Variants in GOLGA4 observed in about 807,000 individuals in gnomAD.
GOLGA4 encodes the protein golgin A4.
In GOLGA4, 169 loss-of-function variants were observed where a neutral mutation model predicts 265.9. The observed-to-expected ratio is 0.64, with a 90% confidence interval of 0.56 to 0.72. The LOEUF (loss-of-function observed/expected upper bound fraction) is 0.72. Ranked by LOEUF, GOLGA4 falls within the 30% of genes least tolerant of loss-of-function variation. The probability of loss-of-function intolerance (pLI) is 0.00; values close to 1 mark genes in which losing one functional copy is unlikely to be tolerated. For synonymous variants in GOLGA4, 923 were observed against 855.8 expected, an observed-to-expected ratio of 1.08 and a Z score of -1.37; for missense variants, 2,482 against 2,483.4, an observed-to-expected ratio of 1.00 and a Z score of 0.01.
chr3:37,304,999 A>G (rs1333735329), intron 10 of GOLGA4, among the ~76,000 whole-genome samples: 1 of 152,106 alleles, frequency 6.6e-6, no homozygotes, highest in Non-Finnish European at 1.5e-5. Flanking sequence ...GCTCACTGCA[A>G]CCTCCGCCTC....
chr3:37,288,371 A>T (rs1351939017), intron 4 of GOLGA4, among the ~76,000 whole-genome samples: 1 of 150,970 alleles, frequency 6.6e-6, no homozygotes, highest in Non-Finnish European at 1.5e-5. Flanking sequence ...GGCCTCCCAA[A>T]GTGCTGGGAT....
rs1425250954 is a variant in GOLGA4 at position 37,261,871 on chromosome 3, A to G, written c.162+10387A>G. Reference sequence around the variant, plus strand: ...AGTTTGTGATAACCCCTATATTGCCATAAGGTAAGAAACCTGAACCAAGGC... The same window carrying G: ...AGTTTGTGATAACCCCTATATTGCCGTAAGGTAAGAAACCTGAACCAAGGC... On this transcript the variant is annotated intron_variant, in intron 2 of 23. Transcript: ENST00000361924. 1.1e-4 allele frequency among the ~76,000 whole-genome samples: 16 copies of G among 152,194 alleles called. 1 individual carries two copies. The highest frequency in any genetic ancestry group is 1.0e-3 in the Admixed American group (16 of 15,282).
At chr3:37,349,416 GATTTTGAT>G (rs2097066739) in intron 21 of GOLGA4, among the ~76,000 whole-genome samples, 1 of 152,134 alleles carries the variant, frequency 6.6e-6, no homozygotes. Context: ...GGAGATGTTA[GATTTTGAT>G]AGATAAGCCC....
intron 22 of GOLGA4, 58 bp from the exon 23 acceptor site, chr3:37,361,185 G>GT: frequency 8.2e-7 from 1 of 1,213,780 alleles, no homozygotes; most frequent in Non-Finnish European, 1.2e-6. Flanking sequence ...TACAATCTAT[G>GT]TGTTATATTA....
chr3:37,252,553 T>A (rs2096736962), intron 2 of GOLGA4, among the ~76,000 whole-genome samples: 1 of 152,040 alleles, frequency 6.6e-6, no homozygotes, highest in African/African-American at 2.4e-5. Flanking sequence ...TTTTCCAGAG[T>A]GGTTGTAGAA....
At position 37,361,290 on chromosome 3, in the gene GOLGA4, G is replaced by A. The variant is rs1470483197; in HGVS notation, c.*18G>A. The A allele has an allele frequency of 1.9e-6, 3 of 1,611,636 alleles. No individual in the cohort carries two copies. The highest frequency in any genetic ancestry group is 2.5e-6 in the Non-Finnish European group (3 of 1,178,044). On this transcript the variant is annotated 3_prime_UTR_variant, in exon 23 of 24. Coordinates refer to ENST00000361924, the MANE Select transcript of GOLGA4 (RefSeq NM_002078.5). The stretch of plus-strand genomic sequence containing the variant: ...TCTTCTGAGTAAACCATCAGTCTGT[G>A]CTTAGTTAACATGTGGTGAGTGAAG...
At chr3:37,257,978 T>C (rs1375561266) in intron 2 of GOLGA4, among the ~76,000 whole-genome samples, 3 of 105,190 alleles carry the variant, frequency 2.9e-5, no homozygotes, top group South Asian at 2.5e-4. Flanking sequence ...TACATACATA[T>C]ATATATGTAT....
rs2150973915 is a variant in GOLGA4 at position 37,327,591 on chromosome 3, A to G, written c.5705A>G (p.Glu1902Gly). 2 of 1,613,754 alleles carry G rather than the reference A, an allele frequency of 1.2e-6. No individual in the cohort carries two copies. Among genetic ancestry groups the G allele is most frequent in the Middle Eastern group, 1.6e-4 (1 of 6,062 alleles). Residue 1902 changes from glutamate (E) to glycine (G), a missense_variant, in exon 14 of 24, where the codon GAA (glutamate) becomes GGA (glycine). By Grantham distance (98) the Glu-to-Gly change is moderately conservative. This residue lies in a region of GOLGA4 where 942 missense variants were observed against 983.1 expected (regional missense o/e 0.96). Transcript: ENST00000361924. ...AATAAACCCACAGAACTTTTGGAAG[A>G]AAACACTGAAGAAAAGTCCAAATCA... ...GRNKPTELLE[E>G]NTEEKSKSHL...
intron 10 of GOLGA4, among the ~76,000 whole-genome samples, chr3:37,308,747 C>G (rs1049485552): frequency 6.6e-6 from 1 of 151,850 alleles, no homozygotes; most frequent in East Asian, 2.0e-4. Context: ...TGCCAAGTAG[C>G]TGGGACTACA....
At chr3:37,358,314 A>T (rs1050044315) in intron 22 of GOLGA4, among the ~76,000 whole-genome samples, 10 of 152,152 alleles carry the variant, frequency 6.6e-5, no homozygotes, top group African/African-American at 2.4e-4. Flanking sequence ...TCTTTACTAT[A>T]CTTCTCTCTC....
At chr3:37,344,998 T>G (rs2097051504) in intron 20 of GOLGA4, among the ~76,000 whole-genome samples, 1 of 152,040 alleles carries the variant, frequency 6.6e-6, no homozygotes, top group Non-Finnish European at 1.5e-5. Flanking sequence ...GAGGATCACT[T>G]GAGCCCAGGA....
chr3:37,315,323 C>A, intron 10 of GOLGA4, 97 bp from the exon 11 acceptor site: 1 of 963,582 alleles, frequency 1.0e-6, no homozygotes, highest in Non-Finnish European at 1.6e-6. Flanking sequence ...ACCTATCCTG[C>A]TACTGCTGCT....
At chr3:37,291,037 T>C (rs1035186324) in intron 5 of GOLGA4, among the ~76,000 whole-genome samples, 4 of 152,194 alleles carry the variant, frequency 2.6e-5, no homozygotes, top group African/African-American at 9.6e-5. Context: ...CTTGTATTTC[T>C]GGTGAGAAAT....
chr3:37,315,384 TC>T, intron 10 of GOLGA4, 35 bp from the exon 11 acceptor site: 1 of 1,546,272 alleles, frequency 6.5e-7, no homozygotes, highest in Non-Finnish European at 8.8e-7. Context: ...TGATAATATT[TC>T]TTGAGATACT....
At chr3:37,254,934 ATTAAC>A (rs1254859869) in intron 2 of GOLGA4, among the ~76,000 whole-genome samples, 1 of 148,636 alleles carries the variant, frequency 6.7e-6, no homozygotes, top group Non-Finnish European at 1.5e-5. Flanking sequence ...TATATTTTAA[ATTAAC>A]TTATACCCTA....
chr3:37,303,787 GCTA>G (rs1232212602), intron 10 of GOLGA4, among the ~76,000 whole-genome samples: 1 of 152,162 alleles, frequency 6.6e-6, no homozygotes, highest in Non-Finnish European at 1.5e-5. Flanking sequence ...ACTTGTTGCT[GCTA>G]CTACTACTGC....
At chr3:37,334,373 T>G (rs900027859) in intron 16 of GOLGA4, among the ~76,000 whole-genome samples, 1 of 152,198 alleles carries the variant, frequency 6.6e-6, no homozygotes, top group Non-Finnish European at 1.5e-5. Context: ...TAACTCATTT[T>G]TTTTTTCAAA....
In GOLGA4 at chr3:37,325,424, A is replaced by C; in HGVS notation, c.3538A>C (p.Thr1180Pro). The C allele has an allele frequency of 6.2e-7, 1 of 1,610,998 alleles. No individual in the cohort carries two copies. ...TTCTGAGTTGACTAGCAAGTTGAAA[A>C]CCACAGATGAAGAATTCCAGAGTTT... Reference protein sequence around the residue: ...KVSELTSKLKTTDEEFQSLKS... With the variant: ...KVSELTSKLKPTDEEFQSLKS... Residue 1180 changes from threonine (T) to proline (P), a missense_variant, in exon 14 of 24, where the codon ACC (threonine) becomes CCC (proline). Coordinates refer to ENST00000361924, the MANE Select transcript of GOLGA4 (RefSeq NM_002078.5).
intron 4 of GOLGA4, 23 bp from the exon 5 acceptor site, chr3:37,289,212 T>C (rs368357728): frequency 1.9e-5 from 27 of 1,448,292 alleles, no homozygotes; most frequent in Non-Finnish European, 2.4e-5. Context: ...TTTAACCAGC[T>C]TTTTTTTCTC....
Sources: gnomAD v4.1 joint callset for allele counts (sites outside exome capture counted in the v4.1 genomes callset) on GRCh38, gnomAD v4.1.1 for gene constraint, gnomAD v4.1.1 regional missense constraint, MANE v1.5 for transcripts, NCBI Gene and HGNC (gene_info 2026-07-23, HGNC 2026-07-21) for gene names.